NLGN1: variants seen among roughly 807,000 people sequenced by gnomAD.
The protein encoded by NLGN1 is neuroligin 1, also known as neuroligin-1.
A neutral mutation model predicts 65.5 loss-of-function variants in NLGN1; 12 were observed. The ratio of observed to expected loss-of-function variants is 0.18; its 90% CI spans 0.12 to 0.30. NLGN1 has a LOEUF of 0.30. Among genes scored for constraint, NLGN1 ranks in the 10% least tolerant of loss-of-function variants. NLGN1 has a pLI of 1.00. For missense variants in NLGN1, 750 were observed against 1,007.1 expected (o/e 0.74, Z 3.46); for synonymous variants, 350 against 359.5 (o/e 0.97, Z 0.30).
intron 4 of NLGN1, among the ~76,000 whole-genome samples, chr3:173,961,055 T>G (rs1408710327): frequency 6.6e-6 from 1 of 152,104 alleles, no homozygotes; most frequent in East Asian, 1.9e-4. Flanking sequence ...GTTTTATGAA[T>G]AGCATTTAGA....
At chr3:173,852,808 C>T (rs970980431) in intron 4 of NLGN1, among the ~76,000 whole-genome samples, 1 of 152,102 alleles carries the variant, frequency 6.6e-6, no homozygotes, top group Non-Finnish European at 1.5e-5. Context: ...CTTCTATATT[C>T]TTAAAATGAT....
At chr3:173,443,786 T>C (rs928258306) in intron 2 of NLGN1, among the ~76,000 whole-genome samples, 4 of 152,206 alleles carry the variant, frequency 2.6e-5, no homozygotes, top group African/African-American at 7.2e-5. Context: ...ACCGTTAATA[T>C]TGAAAATTGT....
intron 4 of NLGN1, among the ~76,000 whole-genome samples, chr3:174,242,966 G>C (rs1743169162): frequency 6.6e-6 from 1 of 152,148 alleles, no homozygotes; most frequent in South Asian, 2.1e-4. Flanking sequence ...AGAAATAAAA[G>C]ATTCTTGCCA....
intron 4 of NLGN1, among the ~76,000 whole-genome samples, chr3:174,157,535 C>G (rs908836178): frequency 5.9e-5 from 9 of 151,322 alleles, no homozygotes; most frequent in African/African-American, 2.2e-4. Context: ...GACGTAACCC[C>G]CCTCCACCCA....
At chr3:173,771,291 A>G (rs181133535) in intron 3 of NLGN1, among the ~76,000 whole-genome samples, 2 of 152,330 alleles carry the variant, frequency 1.3e-5, no homozygotes, top group Admixed American at 6.5e-5. Context: ...TTCAAATAAC[A>G]TCTGTAGAAT....
chr3:174,275,488 C>T, exon 5 of NLGN1: 3 of 1,612,272 alleles, frequency 1.9e-6, no homozygotes, highest in Non-Finnish European at 2.5e-6. Context: ...GACTTTATCC[C>T]ATTATTCTGA....
intron 2 of NLGN1, among the ~76,000 whole-genome samples, chr3:173,548,551 A>G (rs1028999743): frequency 2.0e-5 from 3 of 151,302 alleles, no homozygotes; most frequent in Non-Finnish European, 4.4e-5. Context: ...ATCTGCCTGT[A>G]GAGCTAATTG....
intron 3 of NLGN1, among the ~76,000 whole-genome samples, chr3:173,807,159 C>T (rs1417715029): frequency 2.0e-5 from 3 of 152,104 alleles, no homozygotes; most frequent in Non-Finnish European, 4.4e-5. Context: ...TAACACAATA[C>T]TGTAATTATG....
intron 2 of NLGN1, among the ~76,000 whole-genome samples, chr3:173,534,384 A>G (rs773710844): frequency 6.6e-6 from 1 of 152,186 alleles, no homozygotes; most frequent in East Asian, 1.9e-4. Context: ...TATCAAATTC[A>G]TTAGGTTGCC....
chr3:173,713,643 A>G (rs1021228998), intron 3 of NLGN1, among the ~76,000 whole-genome samples: 2 of 152,124 alleles, frequency 1.3e-5, no homozygotes, highest in Non-Finnish European at 2.9e-5. Flanking sequence ...ACTTTGGACA[A>G]TTATTTAAAC....
At chr3:173,552,926 C>T (rs1203128596) in intron 2 of NLGN1, among the ~76,000 whole-genome samples, 1 of 152,128 alleles carries the variant, frequency 6.6e-6, no homozygotes, top group Non-Finnish European at 1.5e-5. Flanking sequence ...TATTTAGATC[C>T]TGTTACTCAA....
chr3:173,603,448 TC>T (rs537953401), intron 2 of NLGN1, among the ~76,000 whole-genome samples: 16,765 of 73,580 alleles, frequency 0.23, 1,224 homozygotes, highest in Non-Finnish European at 0.35. Flanking sequence ...CTTCCTTTGA[TC>T]TCTAACAGAC....
At chr3:173,906,878 C>CAAAAAAAAAAAAA (rs1224471514) in intron 4 of NLGN1, among the ~76,000 whole-genome samples, 9 of 88,246 alleles carry the variant, frequency 1.0e-4, no homozygotes, top group African/African-American at 2.0e-4. Context: ...CAAACAAAAA[C>CAAAAAAAAAAAAA]AAAAAAAAAA....
At chr3:173,657,462 C>G (rs1324267616) in intron 3 of NLGN1, among the ~76,000 whole-genome samples, 2 of 151,864 alleles carry the variant, frequency 1.3e-5, no homozygotes, top group Admixed American at 6.6e-5. Flanking sequence ...CCTCCTGCCC[C>G]CTTTGTTTTG....
At chr3:174,218,936 G>A (rs1738139996) in intron 4 of NLGN1, among the ~76,000 whole-genome samples, 1 of 152,022 alleles carries the variant, frequency 6.6e-6, no homozygotes, top group Non-Finnish European at 1.5e-5. Context: ...TTGGGATGAT[G>A]CTCTAGTTCT....
At chr3:174,083,337 A>G (rs1742616974) in intron 4 of NLGN1, among the ~76,000 whole-genome samples, 1 of 152,126 alleles carries the variant, frequency 6.6e-6, no homozygotes, top group African/African-American at 2.4e-5. Context: ...TTTATGAATT[A>G]AGATAAATAT....
intron 3 of NLGN1, among the ~76,000 whole-genome samples, chr3:173,781,456 T>G (rs1367264384): frequency 6.6e-6 from 1 of 152,168 alleles, no homozygotes; most frequent in Non-Finnish European, 1.5e-5. Flanking sequence ...AAAATTGAAT[T>G]TGTTCACTGT....
intron 4 of NLGN1, among the ~76,000 whole-genome samples, chr3:173,895,643 C>A (rs1736215689): frequency 6.6e-6 from 1 of 151,868 alleles, no homozygotes; most frequent in African/African-American, 2.4e-5. Context: ...TAATTTTCCC[C>A]AAAGAAGATC....
intron 4 of NLGN1, among the ~76,000 whole-genome samples, chr3:174,076,696 A>C (rs1252960782): frequency 6.3e-5 from 8 of 126,298 alleles, no homozygotes; most frequent in African/African-American, 2.4e-4. Context: ...AGAGAGAGAG[A>C]GAGAGAGAGA....
Sources: gnomAD v4.1 joint callset for allele counts (sites outside exome capture counted in the v4.1 genomes callset) on GRCh38, gnomAD v4.1.1 for gene constraint, MANE v1.5 for transcripts, NCBI Gene and HGNC (gene_info 2026-07-23, HGNC 2026-07-21) for gene names.